Variants in FNIP1 observed in about 807,000 individuals in gnomAD.
The protein encoded by FNIP1 is folliculin interacting protein 1, also known as folliculin-interacting protein 1.
A neutral mutation model predicts 124.5 loss-of-function variants in FNIP1; 40 were observed. The ratio of observed to expected loss-of-function variants is 0.32; its 90% confidence interval spans 0.25 to 0.42. The LOEUF (loss-of-function observed/expected upper bound fraction) is 0.42. Ranked by LOEUF, FNIP1 falls within the 10% of genes least tolerant of loss-of-function variation. The probability of loss-of-function intolerance (pLI) is 1.00; values close to 1 mark genes in which losing one functional copy is unlikely to be tolerated. For synonymous variants in FNIP1, 472 were observed against 470.6 expected (o/e 1.00, Z -0.04); for missense variants, 1,176 against 1,403.7 (o/e 0.84, Z 2.59).
At chr5:131,678,140 T>C (rs1767964777) in intron 12 of FNIP1, among the ~76,000 whole-genome samples, 1 of 152,202 alleles carries the variant, frequency 6.6e-6, no homozygotes, top group Admixed American at 6.5e-5. Context: ...AAAACAGAAA[T>C]GCCATTTTAC....
chr5:131,693,374 CAACAGAACAG>C (rs1169236685), intron 11 of FNIP1, among the ~76,000 whole-genome samples: 1 of 75,380 alleles, frequency 1.3e-5, no homozygotes, highest in Non-Finnish European at 2.7e-5. Context: ...TTACAGAGAT[CAACAGAACAG>C]AACAGAATAG....
chr5:131,761,287 G>C (rs1418661795), intron 1 of FNIP1, among the ~76,000 whole-genome samples: 1 of 152,036 alleles, frequency 6.6e-6, no homozygotes, highest in Non-Finnish European at 1.5e-5. Flanking sequence ...AATTCAACAG[G>C]AGAAAGAAAA....
At chr5:131,696,970 A>G (rs1292404206) in intron 11 of FNIP1, among the ~76,000 whole-genome samples, 2 of 152,176 alleles carry the variant, frequency 1.3e-5, no homozygotes, top group African/African-American at 2.4e-5. Context: ...AAACTTCTTC[A>G]ATTTAAATCT....
chr5:131,647,416 C>T (rs114314479), intron 16 of FNIP1, among the ~76,000 whole-genome samples: 3 of 146,992 alleles, frequency 2.0e-5, no homozygotes, highest in Non-Finnish European at 1.5e-5. Context: ...TCTACAGCGT[C>T]TTTTTTTTTT....
chr5:131,659,420 C>T (rs1429330487), intron 15 of FNIP1, among the ~76,000 whole-genome samples: 1 of 152,216 alleles, frequency 6.6e-6, no homozygotes, highest in Non-Finnish European at 1.5e-5. Flanking sequence ...CAGGGAGGAG[C>T]TGGAGGCCGC....
At chr5:131,792,093 A>T (rs1772424846) in intron 1 of FNIP1, among the ~76,000 whole-genome samples, 1 of 151,920 alleles carries the variant, frequency 6.6e-6, no homozygotes, top group South Asian at 2.1e-4. Flanking sequence ...TAAACCTGTT[A>T]TGAAGATATT....
In FNIP1 at chr5:131,709,254, T is replaced by A; in HGVS notation, c.725A>T (p.Asp242Val). ...SFFAVHSNPMDMPGRELNEDR... is the reference protein window; with the variant it reads ...SFFAVHSNPMVMPGRELNEDR... The stretch of plus-strand genomic sequence containing the variant: ...CTCATTGAGCTCTCTTCCAGGCATG[T>A]CCATTGGGTTGCTGTGAACTATAAA... Residue 242 changes from aspartate (D) to valine (V), a missense_variant, in exon 8 of 18, where the codon GAC becomes GTC. Physicochemically the swap from Asp to Val is radical, Grantham distance 152. Coordinates refer to ENST00000510461, the MANE Select transcript of FNIP1 (RefSeq NM_133372.3). 6.2e-7 allele frequency: 1 copy of A among 1,614,016 alleles called. No homozygotes were observed. The highest frequency in any genetic ancestry group is 1.1e-5 in the South Asian group (1 of 91,080).
At chr5:131,726,302 T>G (rs1345788988) in intron 3 of FNIP1, among the ~76,000 whole-genome samples, 3 of 152,204 alleles carry the variant, frequency 2.0e-5, no homozygotes, top group Admixed American at 1.3e-4. Context: ...TGGTAGAATT[T>G]GGCTGTGAAT....
chr5:131,792,215 C>T (rs1347030789), intron 1 of FNIP1, among the ~76,000 whole-genome samples: 1 of 146,850 alleles, frequency 6.8e-6, no homozygotes, highest in Admixed American at 6.9e-5. Context: ...GGGTGGAGTG[C>T]AATGGCGCGA....
intron 11 of FNIP1, among the ~76,000 whole-genome samples, chr5:131,682,211 A>C (rs73268221): frequency 0.029 from 4,379 of 152,328 alleles, 173 homozygotes; most frequent in African/African-American, 0.093. Flanking sequence ...ACCGTCTACT[A>C]TAAGTCCATG....
At chr5:131,645,532 A>T (rs1766856200) in intron 17 of FNIP1, among the ~76,000 whole-genome samples, 1 of 152,208 alleles carries the variant, frequency 6.6e-6, no homozygotes, top group Non-Finnish European at 1.5e-5. Flanking sequence ...TTTAGATAGT[A>T]GCCTAGCAAA....
rs77134687 is a variant in FNIP1, at chr5:131,748,173, T to C, written c.93-3483A>G. Among the ~76,000 whole-genome samples, 771 of 152,182 alleles carry C rather than the reference T, an allele frequency of 5.1e-3. 29 individuals carry two copies. The highest frequency in any genetic ancestry group is 0.038 in the Admixed American group (588 of 15,290). On this transcript the variant is annotated intron_variant, in intron 1 of 17. Transcript: ENST00000510461. ...GGAAATAAAATAGTCATACACCATA[T>C]AACGTTTTGGTCAACAACAAACTGT... is the stretch of plus-strand genomic sequence containing the variant.
intron 3 of FNIP1, among the ~76,000 whole-genome samples, chr5:131,721,229 A>G (rs1217787391): frequency 6.6e-6 from 1 of 152,232 alleles, no homozygotes; most frequent in African/African-American, 2.4e-5. Flanking sequence ...GCCAGTCACA[A>G]AGAGATAAAT....
At chr5:131,775,849 T>C (rs1434002076) in intron 1 of FNIP1, among the ~76,000 whole-genome samples, 1 of 152,148 alleles carries the variant, frequency 6.6e-6, no homozygotes, top group Non-Finnish European at 1.5e-5. Flanking sequence ...TTTTGAGGAT[T>C]AAATGAATTA....
chr5:131,751,883 G>A (rs1053964181), intron 1 of FNIP1, among the ~76,000 whole-genome samples: 4 of 152,092 alleles, frequency 2.6e-5, no homozygotes, highest in African/African-American at 9.7e-5. Context: ...AGTGGTGATG[G>A]TCACCAAAAA....
rs1772219435 is a variant in FNIP1 at position 131,786,356 on chromosome 5, CACAA to C, written c.92+10470_92+10473del. Among the ~76,000 whole-genome samples the C allele has an allele frequency of 2.6e-5, 4 of 152,166 alleles. No individual in the cohort carries two copies. In the South Asian group the frequency reaches 8.3e-4, roughly 31 times the overall value. On this transcript the variant is annotated intron_variant, in intron 1 of 17. Coordinates refer to ENST00000510461, the MANE Select transcript of FNIP1 (RefSeq NM_133372.3). ...TAGATATATAAAAATGCAATTAAAA[CACAA>C]GCAAGTATCTGCCACAATGAAGAAA...
chr5:131,734,724 C>G (rs1272106910), intron 2 of FNIP1, among the ~76,000 whole-genome samples: 20 of 152,210 alleles, frequency 1.3e-4, no homozygotes, highest in Admixed American at 1.3e-3. Context: ...CTCATCATCA[C>G]TGGCCATCAG....
At chr5:131,699,762 G>A (rs1401764891) in intron 10 of FNIP1, among the ~76,000 whole-genome samples, 1 of 151,418 alleles carries the variant, frequency 6.6e-6, no homozygotes, top group Non-Finnish European at 1.5e-5. Flanking sequence ...CTAAAAACAT[G>A]AAAATTAGCC....
At chr5:131,687,287 G>T (rs976675261) in intron 11 of FNIP1, among the ~76,000 whole-genome samples, 1 of 151,824 alleles carries the variant, frequency 6.6e-6, no homozygotes, top group African/African-American at 2.4e-5. Flanking sequence ...TGTATTGTTT[G>T]TAGAGACAGA....
Sources: gnomAD v4.1 joint callset for allele counts (sites outside exome capture counted in the v4.1 genomes callset) on GRCh38, gnomAD v4.1.1 for gene constraint, MANE v1.5 for transcripts, NCBI Gene and HGNC (gene_info 2026-07-23, HGNC 2026-07-21) for gene names.